Variants in P4HA1 observed in about 807,000 individuals in gnomAD.
P4HA1 encodes prolyl 4-hydroxylase subunit alpha-1.
A neutral mutation model predicts 72.8 loss-of-function variants in P4HA1; 24 were observed. The observed-to-expected ratio is 0.33, with a 90% CI of 0.24 to 0.46. The LOEUF (loss-of-function observed/expected upper bound fraction) is 0.46. Among genes scored for constraint, P4HA1 ranks in the 20% least tolerant of loss-of-function variants. The pLI is 1.00. For synonymous variants in P4HA1, 201 were observed against 218.8 expected (o/e 0.92, Z 0.72); for missense variants, 446 against 640.6 (o/e 0.70, Z 3.28).
At position 73,008,275 on chromosome 10, in the gene P4HA1, G is replaced by T; in HGVS notation, c.1552C>A (p.His518Asn). Residue 518 changes from histidine to asparagine, a missense_variant, in exon 15 of 15, where the codon CAT becomes AAT. His to Asn is a moderately conservative substitution (Grantham distance 68). Transcript: ENST00000394890. ...CTTCGAAATTCTTGTCCACGTTCAT[G>T]GAGCCATTTATTGGATACTGTGAGA... is the stretch of plus-strand genomic sequence containing the variant. ...GNKWVSNKWL[H>N]ERGQEFRRPC... 6.3e-7 allele frequency: 1 copy of T among 1,599,532 alleles called. No individual in the cohort carries two copies. Among genetic ancestry groups the T allele is most frequent in the Non-Finnish European group, 8.6e-7 (1 of 1,167,200 alleles).
At chr10:73,016,614 TA>T (rs1269225152) in intron 11 of P4HA1, among the ~76,000 whole-genome samples, 3 of 152,208 alleles carry the variant, frequency 2.0e-5, no homozygotes, top group Admixed American at 2.0e-4. Flanking sequence ...CTGTCGCTAC[TA>T]AAAATACAAA....
intron 7 of P4HA1, among the ~76,000 whole-genome samples, chr10:73,047,579 T>TC (rs1840901832): frequency 6.7e-6 from 1 of 150,360 alleles, no homozygotes; most frequent in African/African-American, 2.5e-5. Context: ...AAGGAATTTT[T>TC]TTAAGGGCAA....
intron 9 of P4HA1, among the ~76,000 whole-genome samples, chr10:73,035,942 A>G (rs1304370566): frequency 6.6e-6 from 1 of 152,190 alleles, no homozygotes; most frequent in Non-Finnish European, 1.5e-5. Flanking sequence ...TAATCCCAGC[A>G]CTTTGGGAGA....
chr10:73,026,792 T>G (rs1332653550), intron 10 of P4HA1, among the ~76,000 whole-genome samples: 1 of 152,162 alleles, frequency 6.6e-6, no homozygotes, highest in Non-Finnish European at 1.5e-5. Context: ...GCAAAGGATA[T>G]GAACAGACAC....
intron 5 of P4HA1, among the ~76,000 whole-genome samples, chr10:73,064,368 G>A (rs943696736): frequency 2.0e-5 from 3 of 152,074 alleles, no homozygotes; most frequent in African/African-American, 7.2e-5. Context: ...CTGGCTACTT[G>A]GGAGACTGAG....
intron 11 of P4HA1, 92 bp downstream of exon 11, chr10:73,016,754 G>A: frequency 1.1e-6 from 1 of 922,242 alleles, no homozygotes; most frequent in Admixed American, 2.0e-5. Flanking sequence ...TCCAGCCTGG[G>A]TGACAGAGTG....
At chr10:73,072,886 C>T (rs1276145319) in intron 3 of P4HA1, among the ~76,000 whole-genome samples, 2 of 152,070 alleles carry the variant, frequency 1.3e-5, no homozygotes, top group African/African-American at 4.8e-5. Context: ...ATTTATCAGT[C>T]AGGCTGGGTG....
At chr10:73,043,518 A>G (rs1840785070) in intron 9 of P4HA1, among the ~76,000 whole-genome samples, 1 of 152,212 alleles carries the variant, frequency 6.6e-6, no homozygotes, top group Non-Finnish European at 1.5e-5. Context: ...TACTTACGCA[A>G]TACCTGCAGC....
chr10:73,088,507 C>G (rs1841966748), intron 1 of P4HA1, among the ~76,000 whole-genome samples: 1 of 152,210 alleles, frequency 6.6e-6, no homozygotes, highest in Non-Finnish European at 1.5e-5. Flanking sequence ...TCAATAAAAA[C>G]CAAAGCCACC....
At chr10:73,064,306 C>A (rs1841373634) in intron 5 of P4HA1, among the ~76,000 whole-genome samples, 1 of 151,968 alleles carries the variant, frequency 6.6e-6, no homozygotes, top group African/African-American at 2.4e-5. Context: ...AAAACCCTGT[C>A]TCTACAAAAA....
intron 1 of P4HA1, among the ~76,000 whole-genome samples, chr10:73,076,657 C>T (rs1841703485): frequency 6.6e-6 from 1 of 152,152 alleles, no homozygotes; most frequent in Non-Finnish European, 1.5e-5. Flanking sequence ...CTTTACCTCA[C>T]TTTCCCAGAT....
intron 10 of P4HA1, among the ~76,000 whole-genome samples, chr10:73,022,299 G>A (rs1221837424): frequency 6.6e-6 from 1 of 152,138 alleles, no homozygotes; most frequent in Non-Finnish European, 1.5e-5. Flanking sequence ...CCAGAGGAAG[G>A]ATCAGGCAGC....
chr10:73,055,423 T>C (rs1408612093), intron 5 of P4HA1, among the ~76,000 whole-genome samples: 1 of 152,164 alleles, frequency 6.6e-6, no homozygotes, highest in Non-Finnish European at 1.5e-5. Context: ...AGGCTGGTCT[T>C]GAACTCCTGA....
chr10:73,045,455 CCTTTGA>C (rs1840835123), intron 8 of P4HA1, among the ~76,000 whole-genome samples: 1 of 151,950 alleles, frequency 6.6e-6, no homozygotes, highest in Admixed American at 6.6e-5. Context: ...CATTCCAAAA[CCTTTGA>C]CTTTAATTTT....
chr10:73,080,212 T>A (rs889651212), intron 1 of P4HA1, among the ~76,000 whole-genome samples: 1 of 152,190 alleles, frequency 6.6e-6, no homozygotes, highest in Non-Finnish European at 1.5e-5. Flanking sequence ...TCACTTACAA[T>A]AGGAAGTTCA....
At chr10:73,067,204 C>G (rs879792643) in intron 5 of P4HA1, among the ~76,000 whole-genome samples, 1 of 152,096 alleles carries the variant, frequency 6.6e-6, no homozygotes, top group African/African-American at 2.4e-5. Flanking sequence ...GTTGATGAAG[C>G]CAGAAATTCC....
At chr10:73,053,730 T>C (rs1841071426) in intron 5 of P4HA1, 140 bp from the exon 6 acceptor site, 3 of 661,478 alleles carry the variant, frequency 4.5e-6, no homozygotes, top group Non-Finnish European at 7.7e-6. Flanking sequence ...ATTACCCTAA[T>C]TTTATAAACA....
intron 8 of P4HA1, among the ~76,000 whole-genome samples, 189 bp from the exon 9 acceptor site, chr10:73,045,240 T>C (rs916984397): frequency 1.3e-5 from 2 of 151,652 alleles, no homozygotes; most frequent in African/African-American, 2.4e-5. Flanking sequence ...GTTTTTTTTT[T>C]TTCTTCAATT....
chr10:73,009,625 T>A (rs1038845571), intron 14 of P4HA1, 182 bp downstream of exon 14: 63 of 515,588 alleles, frequency 1.2e-4, no homozygotes, highest in Middle Eastern at 5.1e-4. Context: ...AAAAATAAAA[T>A]CTGTCATCAA....
Sources: gnomAD v4.1 joint callset for allele counts (sites outside exome capture counted in the v4.1 genomes callset) on GRCh38, gnomAD v4.1.1 for gene constraint, MANE v1.5 for transcripts, NCBI Gene and HGNC (gene_info 2026-07-23, HGNC 2026-07-21) for gene names.